The following MBD3L1 variants were observed in gnomAD, a reference collection of about 807,000 sequenced individuals.
MBD3L1 encodes methyl-CpG binding domain protein 3 like 1.
For synonymous variants in MBD3L1, 84 were observed against 85.1 expected, an observed-to-expected ratio of 0.99 and a Z score of 0.07; for missense variants, 203 against 230.1, an observed-to-expected ratio of 0.88 and a Z score of 0.76.
intron 1 of MBD3L1, among the ~76,000 whole-genome samples, chr19:8,838,149 G>A (rs184132698): frequency 5.9e-4 from 89 of 149,820 alleles, no homozygotes; most frequent in African/African-American, 2.0e-3. Context: ...TCAGGAGGCT[G>A]AGGCAGGAGA....
At chr19:8,835,902 G>A (rs1376182504) in intron 1 of MBD3L1, among the ~76,000 whole-genome samples, 2 of 152,226 alleles carry the variant, frequency 1.3e-5, no homozygotes, top group East Asian at 3.9e-4. Context: ...AGTAAAAGAA[G>A]CCACTCATAA....
chr19:8,842,216 C>T (rs963462001), intron 2 of MBD3L1, among the ~76,000 whole-genome samples: 9 of 150,234 alleles, frequency 6.0e-5, no homozygotes, highest in Admixed American at 2.7e-4. Context: ...GTCCCAGCTA[C>T]GCGGGAGGTT....
intron 1 of MBD3L1, among the ~76,000 whole-genome samples, chr19:8,840,220 G>A (rs557682931): frequency 3.0e-4 from 46 of 151,208 alleles, no homozygotes; most frequent in African/African-American, 1.1e-3. Flanking sequence ...TGATACAAAG[G>A]TTACATTGCA....
chr19:8,842,520 T>C (rs2044523724), intron 2 of MBD3L1, 138 bp from the exon 3 acceptor site: 1 of 616,708 alleles, frequency 1.6e-6, no homozygotes, highest in Non-Finnish European at 2.8e-6. Context: ...ATCTGCCTGA[T>C]GATGTCCCAG....
At chr19:8,840,835 G>A (rs2044504644) in intron 1 of MBD3L1, 80 bp from the exon 2 acceptor site, 1 of 152,098 alleles carries the variant, frequency 6.6e-6, no homozygotes, top group South Asian at 2.1e-4. Context: ...ACGCATGATG[G>A]ATTCTTCCCA....
chr19:8,840,465 A>C (rs1449855569), intron 1 of MBD3L1, among the ~76,000 whole-genome samples: 5 of 151,974 alleles, frequency 3.3e-5, no homozygotes, highest in African/African-American at 1.2e-4. Context: ...CATCACCCCC[A>C]GCTAACTTTT....
rs920162694 is a variant in MBD3L1, at chr19:8,832,384, C to G, written c.-245C>G. ...GCTCGCGCGGGCAGCCTCGCAGAGTCGAGCGTGTTGGGGGTTCGGCGCTTA... is the reference window on the plus strand; with the variant it reads ...GCTCGCGCGGGCAGCCTCGCAGAGTGGAGCGTGTTGGGGGTTCGGCGCTTA... On this transcript the variant is annotated 5_prime_UTR_variant, in exon 1 of 3. Transcript: ENST00000595891. 1.3e-5 allele frequency: 2 copies of G among 152,702 alleles called. No homozygotes were observed. The highest frequency in any genetic ancestry group is 4.8e-5 in the African/African-American group (2 of 41,464). The allele number at this position is 152,702 out of a possible 1,614,324, so 9.5% of individuals were successfully genotyped here. A position where few individuals can be genotyped will look rare whatever the true frequency, so the allele number is the denominator to read the frequency against.
At chr19:8,835,224 G>C (rs1440111681) in intron 1 of MBD3L1, among the ~76,000 whole-genome samples, 1 of 152,036 alleles carries the variant, frequency 6.6e-6, no homozygotes, top group Non-Finnish European at 1.5e-5. Context: ...GCTAATTTTT[G>C]TATTTTTAGC....
chr19:8,832,795 C>T (rs1036672407), intron 1 of MBD3L1, among the ~76,000 whole-genome samples: 1 of 149,300 alleles, frequency 6.7e-6, no homozygotes, highest in Admixed American at 6.6e-5. Flanking sequence ...CCTCCATTTC[C>T]GGGGCGGGGC....
chr19:8,833,888 T>C (rs1222299845), intron 1 of MBD3L1, among the ~76,000 whole-genome samples: 1 of 152,054 alleles, frequency 6.6e-6, no homozygotes, highest in East Asian at 1.9e-4. Flanking sequence ...CTTGGGAGGC[T>C]GAGGCAGGAG....
chr19:8,840,115 T>C (rs1340058823), intron 1 of MBD3L1, among the ~76,000 whole-genome samples: 3 of 144,012 alleles, frequency 2.1e-5, no homozygotes, highest in Non-Finnish European at 4.5e-5. Flanking sequence ...ACCCGGGCAG[T>C]GGAGGTTGCA....
At chr19:8,834,839 C>G (rs1168695922) in intron 1 of MBD3L1, among the ~76,000 whole-genome samples, 2 of 151,816 alleles carry the variant, frequency 1.3e-5, no homozygotes, top group Non-Finnish European at 2.9e-5. Context: ...GATATGACAT[C>G]AAAAACAGGT....
intron 1 of MBD3L1, among the ~76,000 whole-genome samples, chr19:8,838,252 C>CAAAAAAAA (rs542318207): frequency 0.12 from 1,479 of 11,832 alleles, 570 homozygotes; most frequent in Non-Finnish European, 0.17. Context: ...GACTCCATCT[C>CAAAAAAAA]AAAAAAAAAA....
chr19:8,836,163 C>T (rs2044453113), intron 1 of MBD3L1, among the ~76,000 whole-genome samples: 1 of 152,116 alleles, frequency 6.6e-6, no homozygotes, highest in African/African-American at 2.4e-5. Context: ...ATTATGGTAG[C>T]TCAATAAAGT....
At chr19:8,839,255 G>T (rs2145351206) in intron 1 of MBD3L1, among the ~76,000 whole-genome samples, 1 of 148,660 alleles carries the variant, frequency 6.7e-6, no homozygotes, top group South Asian at 2.1e-4. Context: ...CGCCATCTCG[G>T]CTCACTGCAA....
chr19:8,840,003 G>A (rs890621063), intron 1 of MBD3L1, among the ~76,000 whole-genome samples: 10 of 151,996 alleles, frequency 6.6e-5, no homozygotes, highest in African/African-American at 1.7e-4. Context: ...CCAACATGGC[G>A]AAACCCCATC....
intron 1 of MBD3L1, among the ~76,000 whole-genome samples, chr19:8,833,924 G>T (rs1156433830): frequency 6.6e-6 from 1 of 152,076 alleles, no homozygotes; most frequent in Admixed American, 6.6e-5. Context: ...GGAGGTGGAG[G>T]TTGAAGTGAG....
Position 8,842,943 on chromosome 19 carries a change from C to T in MBD3L1, c.265C>T (p.Leu89Phe), listed in dbSNP as rs2044527854. The T allele has an allele frequency of 1.2e-6, 2 of 1,614,130 alleles. No homozygotes were observed. The highest frequency in any genetic ancestry group is 1.7e-6 in the Non-Finnish European group (2 of 1,180,054). ...AGGAGAACTTTCAAGCACTTTGGAT[C>T]TTGCCAATACCTTGCAAAAACTTGT... Reference protein sequence around the residue: ...SAGELSSTLDLANTLQKLVPS... With the variant: ...SAGELSSTLDFANTLQKLVPS... The change falls in exon 3 of 3, where the codon CTT (leucine) becomes TTT (phenylalanine). Residue 89 changes from leucine to phenylalanine, a missense_variant. Physicochemically the swap from Leu to Phe is conservative, Grantham distance 22. Coordinates refer to ENST00000595891, the MANE Select transcript of MBD3L1 (RefSeq NM_001393532.1).
At chr19:8,834,134 C>T (rs910692604) in intron 1 of MBD3L1, among the ~76,000 whole-genome samples, 1 of 152,144 alleles carries the variant, frequency 6.6e-6, no homozygotes, top group Non-Finnish European at 1.5e-5. Context: ...GTTTCATGCA[C>T]CCGTCCTTTC....
Sources: allele counts gnomAD v4.1 joint callset (sites outside exome capture counted in the v4.1 genomes callset), GRCh38; gene constraint gnomAD v4.1.1; transcripts MANE v1.5; gene names NCBI Gene and HGNC (gene_info 2026-07-23, HGNC 2026-07-21).